Variants in ZNF670 observed in about 807,000 individuals in gnomAD.
ZNF670 encodes zinc finger protein 670.
In ZNF670, 7 loss-of-function variants were observed where a neutral mutation model predicts 10.9. The ratio of observed to expected loss-of-function variants is 0.64; its 90% CI spans 0.36 to 1.20. ZNF670 has a LOEUF of 1.20. Among genes scored for constraint, ZNF670 ranks in the 50% most tolerant of loss-of-function variants. ZNF670 has a pLI of 0.02. For synonymous variants in ZNF670, 136 were observed against 152.7 expected, an observed-to-expected ratio of 0.89 and a Z score of 0.81; for missense variants, 446 against 458.6, an observed-to-expected ratio of 0.97 and a Z score of 0.25.
At chr1:247,040,869 A>AT (rs1317293953) in intron 1 of ZNF670, among the ~76,000 whole-genome samples, 9 of 151,858 alleles carry the variant, frequency 5.9e-5, no homozygotes, top group Non-Finnish European at 1.3e-4. Flanking sequence ...CTGATTTTGT[A>AT]TTTTTAGTAG....
intron 1 of ZNF670, among the ~76,000 whole-genome samples, chr1:247,052,550 C>T (rs533563711): frequency 1.5e-3 from 223 of 151,204 alleles, no homozygotes; most frequent in African/African-American, 4.9e-3. Flanking sequence ...GTTTTTTTTT[C>T]GGTGCATTGT....
chr1:247,047,305 C>G (rs533800052), intron 1 of ZNF670, among the ~76,000 whole-genome samples: 43 of 152,318 alleles, frequency 2.8e-4, no homozygotes, highest in African/African-American at 1.0e-3. Context: ...GTGGGCTACA[C>G]CACTGCAGCA....
chr1:247,058,778 T>C (rs1476665498), intron 1 of ZNF670, among the ~76,000 whole-genome samples: 1 of 144,406 alleles, frequency 6.9e-6, no homozygotes, highest in Non-Finnish European at 1.5e-5. Flanking sequence ...GTAAGTCAGA[T>C]AAAATGAACC....
intron 1 of ZNF670, among the ~76,000 whole-genome samples, chr1:247,068,508 A>G (rs1185681079): frequency 6.6e-6 from 1 of 150,568 alleles, no homozygotes; most frequent in Non-Finnish European, 1.5e-5. Flanking sequence ...GACAGGCAAT[A>G]GCAAATTCTG....
intron 1 of ZNF670, among the ~76,000 whole-genome samples, chr1:247,045,383 T>G (rs1670415087): frequency 6.6e-6 from 1 of 152,168 alleles, no homozygotes; most frequent in South Asian, 2.1e-4. Flanking sequence ...AGATATCTCA[T>G]AAATGACTCA....
intron 2 of ZNF670, 58 bp downstream of exon 2, chr1:247,039,353 G>C: frequency 6.3e-7 from 1 of 1,575,442 alleles, no homozygotes; most frequent in South Asian, 1.2e-5. Flanking sequence ...GAGCCACCAC[G>C]CCCAGCCAAA....
intron 1 of ZNF670, among the ~76,000 whole-genome samples, chr1:247,078,032 T>C (rs1007346944): frequency 1.3e-5 from 2 of 152,204 alleles, no homozygotes; most frequent in African/African-American, 4.8e-5. Context: ...AACCAGGAGA[T>C]ATCTGGCTGC....
intron 1 of ZNF670, among the ~76,000 whole-genome samples, chr1:247,051,277 A>T (rs1670590011): frequency 6.6e-6 from 1 of 152,192 alleles, no homozygotes; most frequent in Non-Finnish European, 1.5e-5. Flanking sequence ...AACAAAAAAA[A>T]AACTCCTTTT....
At chr1:247,041,041 T>C (rs953740638) in intron 1 of ZNF670, among the ~76,000 whole-genome samples, 1 of 152,186 alleles carries the variant, frequency 6.6e-6, no homozygotes, top group Non-Finnish European at 1.5e-5. Flanking sequence ...CATTCCAGAA[T>C]AGTGGAAGAA....
intron 1 of ZNF670, 32 bp from the exon 2 acceptor site, chr1:247,039,569 T>C: frequency 6.6e-7 from 1 of 1,525,936 alleles, no homozygotes; most frequent in East Asian, 2.5e-5. Flanking sequence ...GAGAGGAGGA[T>C]GGCTTAGACA....
chr1:247,039,215 C>T (rs752821891), intron 2 of ZNF670, among the ~76,000 whole-genome samples, 196 bp downstream of exon 2: 3 of 151,886 alleles, frequency 2.0e-5, no homozygotes, highest in South Asian at 2.1e-4. Flanking sequence ...CCTGCTACCA[C>T]GCCTGGCTAA....
At chr1:247,055,821 A>C (rs372116758) in intron 1 of ZNF670, among the ~76,000 whole-genome samples, 125 of 152,368 alleles carry the variant, frequency 8.2e-4, no homozygotes, top group African/African-American at 3.0e-3. Flanking sequence ...GGGATAAAAA[A>C]GGATATTCCA....
At chr1:247,078,455 G>A (rs1671306992) in intron 1 of ZNF670, 139 bp downstream of exon 1, 2 of 1,109,786 alleles carry the variant, frequency 1.8e-6, no homozygotes, top group South Asian at 3.0e-5. Flanking sequence ...TGCGGGTCCA[G>A]CCCCGCATCC....
chr1:247,053,797 T>C (rs749436063), intron 1 of ZNF670, among the ~76,000 whole-genome samples: 1 of 152,124 alleles, frequency 6.6e-6, no homozygotes, highest in Non-Finnish European at 1.5e-5. Flanking sequence ...GATGGCCAAA[T>C]AGAAGGCTCC....
Position 247,072,309 on chromosome 1 carries a change from C to A in ZNF670, c.3+6285G>T, listed in dbSNP as rs560029567. ...GAGACCACAGCTCCGCACTGCCATGCCTGGTTTTGTTTTTTTTTTTTTTAA... is the reference window on the plus strand; with the variant it reads ...GAGACCACAGCTCCGCACTGCCATGACTGGTTTTGTTTTTTTTTTTTTTAA... On this transcript the variant is annotated intron_variant, in intron 1 of 3. Coordinates refer to ENST00000366503, the MANE Select transcript of ZNF670 (RefSeq NM_033213.5). Among the ~76,000 whole-genome samples, 437 of 150,154 alleles carry A rather than the reference C, an allele frequency of 2.9e-3. 2 individuals carry two copies. The highest frequency in any genetic ancestry group is 0.01 in the African/African-American group (414 of 40,614).
At chr1:247,073,322 T>A (rs1174530967) in intron 1 of ZNF670, among the ~76,000 whole-genome samples, 2 of 152,010 alleles carry the variant, frequency 1.3e-5, no homozygotes, top group African/African-American at 4.8e-5. Context: ...GCTCAGTAGG[T>A]TAAATAGGTT....
intron 1 of ZNF670, among the ~76,000 whole-genome samples, chr1:247,072,017 C>G (rs1329541463): frequency 6.6e-6 from 1 of 151,948 alleles, no homozygotes; most frequent in Non-Finnish European, 1.5e-5. Context: ...GCCACCACGC[C>G]TGGCTAATTT....
In ZNF670 at chr1:247,035,193, T is replaced by C. The variant is rs1435467477; in HGVS notation, c.*2256A>G. 1.3e-5 allele frequency among the ~76,000 whole-genome samples: 2 copies of C among 152,220 alleles called. No individual in the cohort carries two copies. Among genetic ancestry groups the C allele is most frequent in the African/African-American group, 4.8e-5 (2 of 41,458 alleles). On this transcript the variant is annotated 3_prime_UTR_variant, in exon 4 of 4. Transcript: ENST00000366503. ...TGGTTCATTCTGTTGGTAATGCCAA[T>C]TGTTTTCACAGTCTCATGGGTGACA...
chr1:247,077,377 G>A (rs1396488649), intron 1 of ZNF670, among the ~76,000 whole-genome samples: 1 of 152,154 alleles, frequency 6.6e-6, no homozygotes, highest in Non-Finnish European at 1.5e-5. Flanking sequence ...AGAGGACCAA[G>A]AAAAGATATA....
Sources: allele counts gnomAD v4.1 joint callset (sites outside exome capture counted in the v4.1 genomes callset), GRCh38; gene constraint gnomAD v4.1.1; transcripts MANE v1.5; gene names NCBI Gene and HGNC (gene_info 2026-07-23, HGNC 2026-07-21).